The following SLC25A42 variants were observed in gnomAD, a reference collection of about 807,000 sequenced individuals.
SLC25A42 encodes mitochondrial coenzyme A transporter SLC25A42.
A neutral mutation model predicts 34.7 loss-of-function variants in SLC25A42; 19 were observed. That is an observed-to-expected ratio of 0.55 (90% confidence interval 0.38 to 0.80). The LOEUF (loss-of-function observed/expected upper bound fraction) is 0.80, where lower values mean the gene tolerates loss of function less well. SLC25A42 is among the 30% of genes least tolerant of loss of function. The pLI is 0.00. For synonymous variants in SLC25A42, 205 were observed against 191.2 expected (o/e 1.07, Z -0.59); for missense variants, 364 against 441.3 (o/e 0.82, Z 1.57).
intron 1 of SLC25A42, among the ~76,000 whole-genome samples, chr19:19,079,346 A>G (rs2059670216): frequency 6.6e-6 from 1 of 152,020 alleles, no homozygotes; most frequent in South Asian, 2.1e-4. Context: ...GTGAGCCACC[A>G]CACCTGGCCA....
rs556677805 is a variant in SLC25A42, at chr19:19,086,088, G to A, written c.-34-10003G>A. Reference sequence around the variant, plus strand: ...TTCTATAGCCACAGACACCCAACGTGTGTTTCCTGGACTTGGCATGCCCCA... The same window carrying A: ...TTCTATAGCCACAGACACCCAACGTATGTTTCCTGGACTTGGCATGCCCCA... On this transcript the variant is annotated intron_variant, in intron 1 of 7. Coordinates refer to ENST00000318596, the MANE Select transcript of SLC25A42 (RefSeq NM_178526.5). 3.3e-5 allele frequency among the ~76,000 whole-genome samples: 5 copies of A among 152,320 alleles called. No individual in the cohort carries two copies. In the South Asian group the frequency reaches 1.0e-3, roughly 32 times the overall value.
chr19:19,087,883 C>A (rs1290379128), intron 1 of SLC25A42, among the ~76,000 whole-genome samples: 1 of 152,174 alleles, frequency 6.6e-6, no homozygotes, highest in Non-Finnish European at 1.5e-5. Flanking sequence ...GGCTGTTGGC[C>A]TGGGGAAGCT....
chr19:19,105,729 T>C lies in SLC25A42; in HGVS notation c.380+2T>C. The C allele has an allele frequency of 6.5e-7, 1 of 1,549,886 alleles. No homozygotes were observed. The highest frequency in any genetic ancestry group is 8.7e-7 in the Non-Finnish European group (1 of 1,143,276). ...CAGCTACTATGGCTTCCGTGGAGAG[T>C]GAGGCCCCGCCCCGCCCTGCCACAG... On this transcript the variant is annotated splice_donor_variant, in intron 5 of 7. Transcript: ENST00000318596. LOFTEE classifies it high-confidence loss of function.
At chr19:19,078,913 G>A (rs111950015) in intron 1 of SLC25A42, among the ~76,000 whole-genome samples, 1,820 of 152,018 alleles carry the variant, frequency 0.012, 43 homozygotes, top group African/African-American at 0.041. Flanking sequence ...GTGCAGTGGC[G>A]CGCTCTTGGC....
At chr19:19,093,601 T>G (rs970940775) in intron 1 of SLC25A42, among the ~76,000 whole-genome samples, 2 of 152,200 alleles carry the variant, frequency 1.3e-5, no homozygotes, top group Non-Finnish European at 2.9e-5. Flanking sequence ...AGGCTCTTTG[T>G]TTTTGGTGAC....
chr19:19,070,261 C>CT (rs1225932157), intron 1 of SLC25A42, among the ~76,000 whole-genome samples: 1 of 147,690 alleles, frequency 6.8e-6, no homozygotes, highest in Non-Finnish European at 1.5e-5. Context: ...TCCCAAAGTG[C>CT]TGGGATTACA....
At chr19:19,086,815 AT>A (rs987610891) in intron 1 of SLC25A42, among the ~76,000 whole-genome samples, 7 of 152,056 alleles carry the variant, frequency 4.6e-5, no homozygotes, top group African/African-American at 1.7e-4. Context: ...TAATTTTTGT[AT>A]TTTTTGTAGA....
intron 5 of SLC25A42, 166 bp downstream of exon 5, chr19:19,105,893 G>A (rs1480949462): frequency 3.2e-6 from 2 of 627,370 alleles, no homozygotes; most frequent in East Asian, 2.8e-5. Flanking sequence ...CCTCCTGAGG[G>A]ACCCCCTGAC....
At chr19:19,089,539 T>A (rs34957681) in intron 1 of SLC25A42, among the ~76,000 whole-genome samples, 44,216 of 133,250 alleles carry the variant, frequency 0.33, 7,234 homozygotes, top group African/African-American at 0.41. Context: ...AAAAAAATAA[T>A]AATAATAATA....
intron 1 of SLC25A42, among the ~76,000 whole-genome samples, chr19:19,074,736 TGA>T (rs2059647550): frequency 6.6e-6 from 1 of 151,754 alleles, no homozygotes; most frequent in African/African-American, 2.4e-5. Context: ...TGTGTGTGTG[TGA>T]GTGTATGTGT....
chr19:19,094,843 C>A (rs1443919330), intron 1 of SLC25A42, among the ~76,000 whole-genome samples: 1 of 152,132 alleles, frequency 6.6e-6, no homozygotes, highest in Non-Finnish European at 1.5e-5. Context: ...GAGTTCCAGA[C>A]CAGCCTGGGC....
chr19:19,110,934 A>G lies in SLC25A42; in HGVS notation c.*58A>G, dbSNP rs551555864. 4.0e-4 allele frequency: 630 copies of G among 1,583,500 alleles called. 6 individuals carry two copies. Among genetic ancestry groups the G allele is most frequent in the Non-Finnish European group, 5.2e-5 (60 of 1,157,822 alleles). ...GGTGACCCCTTTGTATTCTGGGCCCATGGAACGGTGGGGGGGTGCGCTTGA... is the reference window on the plus strand; with the variant it reads ...GGTGACCCCTTTGTATTCTGGGCCCGTGGAACGGTGGGGGGGTGCGCTTGA... On this transcript the variant is annotated 3_prime_UTR_variant, in exon 8 of 8. Coordinates refer to ENST00000318596, the MANE Select transcript of SLC25A42 (RefSeq NM_178526.5).
At chr19:19,068,062 A>G (rs1212094192) in intron 1 of SLC25A42, among the ~76,000 whole-genome samples, 1 of 152,186 alleles carries the variant, frequency 6.6e-6, no homozygotes, top group Non-Finnish European at 1.5e-5. Flanking sequence ...ACTTCTTCAT[A>G]AAAAGTATAT....
chr19:19,076,591 C>A (rs2059657037), intron 1 of SLC25A42, among the ~76,000 whole-genome samples: 1 of 152,226 alleles, frequency 6.6e-6, no homozygotes, highest in Non-Finnish European at 1.5e-5. Flanking sequence ...AATGGCTTGC[C>A]TGCCCCACTC....
In SLC25A42 at chr19:19,109,274, G is replaced by A. The variant is rs935861084; in HGVS notation, c.649+1229G>A. Among the ~76,000 whole-genome samples the A allele has an allele frequency of 1.6e-4, 25 of 152,144 alleles. No individual in the cohort carries two copies. The highest frequency in any genetic ancestry group is 5.8e-4 in the African/African-American group (24 of 41,432). ...GTTGCCAGGTTTTCTGTGATCAGCC[G>A]ACATCCAGGAGCTCGTCTCCTTGTG... On this transcript the variant is annotated intron_variant, in intron 7 of 7. Coordinates refer to ENST00000318596, the MANE Select transcript of SLC25A42 (RefSeq NM_178526.5). This position sits in a 1 kb window ranked among gnomAD's most constrained non-coding sequence, Gnocchi z 4.1.
At position 19,070,498 on chromosome 19, in the gene SLC25A42, A is replaced by T. The variant is rs138200015; in HGVS notation, c.-35+6383A>T. Among the ~76,000 whole-genome samples the T allele has an allele frequency of 5.4e-3, 814 of 150,702 alleles. 10 individuals are homozygous for T. The highest frequency in any genetic ancestry group is 0.019 in the African/African-American group (777 of 40,902). ...TTTTCAGTAGAGACACGGTTTTGCC[A>T]CGTTGGCCAGGCTGGTCTTGAACTG... is the stretch of plus-strand genomic sequence containing the variant. On this transcript the variant is annotated intron_variant, in intron 1 of 7. Coordinates refer to ENST00000318596, the MANE Select transcript of SLC25A42 (RefSeq NM_178526.5).
At chr19:19,082,523 C>T (rs914719311) in intron 1 of SLC25A42, among the ~76,000 whole-genome samples, 11 of 152,132 alleles carry the variant, frequency 7.2e-5, no homozygotes, top group Non-Finnish European at 2.9e-5. Flanking sequence ...CCACCACACC[C>T]GACTAATTTT....
At chr19:19,108,182 C>T (rs1022689221) in intron 7 of SLC25A42, 137 bp downstream of exon 7, 57 of 943,222 alleles carry the variant, frequency 6.0e-5, no homozygotes, top group Non-Finnish European at 3.0e-6. Context: ...TGTAGACCCA[C>T]ATCCAAATCG....
At chr19:19,069,252 T>G (rs1214783265) in intron 1 of SLC25A42, among the ~76,000 whole-genome samples, 1 of 152,150 alleles carries the variant, frequency 6.6e-6, no homozygotes, top group African/African-American at 2.4e-5. Flanking sequence ...CTCAACAAAG[T>G]TCTCTGCTGG....
Sources: gnomAD v4.1 joint callset for allele counts (sites outside exome capture counted in the v4.1 genomes callset) on GRCh38, gnomAD v4.1.1 for gene constraint, Gnocchi (gnomAD v3.1) non-coding constraint, MANE v1.5 for transcripts, NCBI Gene and HGNC (gene_info 2026-07-23, HGNC 2026-07-21) for gene names.